Variants in CENPC observed in about 807,000 individuals in gnomAD.
CENPC encodes centromere protein C.
A neutral mutation model predicts 112.1 loss-of-function variants in CENPC; 63 were observed. The observed-to-expected ratio is 0.56, with a 90% CI of 0.46 to 0.69. The LOEUF (loss-of-function observed/expected upper bound fraction) is 0.69, where lower values mean the gene tolerates loss of function less well. CENPC is among the 30% of genes least tolerant of loss of function. The probability of loss-of-function intolerance (pLI) is 0.00; values close to 1 mark genes in which losing one functional copy is unlikely to be tolerated. For synonymous variants in CENPC, 333 were observed against 367.6 expected, an observed-to-expected ratio of 0.91 and a Z score of 1.08; for missense variants, 1,000 against 1,103.8, an observed-to-expected ratio of 0.91 and a Z score of 1.33.
intron 7 of CENPC, among the ~76,000 whole-genome samples, chr4:67,516,313 T>C (rs1040178079): frequency 5.9e-5 from 9 of 151,940 alleles, no homozygotes; most frequent in South Asian, 2.1e-4. Context: ...ACACCACATA[T>C]TGCAGTGAGA....
rs780854304 is a variant in CENPC at position 67,519,359 on chromosome 4, G to T, written c.475C>A (p.Pro159Thr). 5.6e-6 allele frequency: 9 copies of T among 1,613,116 alleles called. No individual in the cohort carries two copies. Among genetic ancestry groups the T allele is most frequent in the Non-Finnish European group, 7.6e-6 (9 of 1,179,544 alleles). Residue 159 changes from proline (P) to threonine (T), a missense_variant, in exon 6 of 19, where the codon CCT becomes ACT. By Grantham distance (38) the Pro-to-Thr change is conservative. Transcript: ENST00000273853. ...GTTTTTGCATCCAAAAGAACAGAAG[G>T]TGAGCCAACGGATAAGTAAAATTCT... Reference protein sequence around the residue: ...DEEFYLSVGSPSVLLDAKTSV... With the variant: ...DEEFYLSVGSTSVLLDAKTSV...
intron 17 of CENPC, among the ~76,000 whole-genome samples, chr4:67,479,900 T>C (rs561701646): frequency 1.1e-3 from 160 of 152,218 alleles, no homozygotes; most frequent in African/African-American, 3.4e-3. Flanking sequence ...AAACCAGACC[T>C]AGATGAGACA....
chr4:67,519,105 T>C (rs1376922585), intron 6 of CENPC, 112 bp downstream of exon 6: 1 of 750,944 alleles, frequency 1.3e-6, no homozygotes, highest in East Asian at 2.8e-5. Flanking sequence ...CATAACATGT[T>C]AATATTCCTC....
At chr4:67,484,833 C>T (rs915521165) in intron 17 of CENPC, among the ~76,000 whole-genome samples, 3 of 152,204 alleles carry the variant, frequency 2.0e-5, no homozygotes, top group Non-Finnish European at 2.9e-5. Context: ...GTGGCTCACG[C>T]CTGTAATCCC....
At chr4:67,529,921 G>C (rs1480181024) in intron 5 of CENPC, among the ~76,000 whole-genome samples, 1 of 152,032 alleles carries the variant, frequency 6.6e-6, no homozygotes, top group Non-Finnish European at 1.5e-5. Flanking sequence ...TCAAAAGTAT[G>C]TTGAATGTTA....
intron 16 of CENPC, among the ~76,000 whole-genome samples, chr4:67,491,305 C>T (rs565761378): frequency 1.1e-4 from 17 of 150,976 alleles, no homozygotes; most frequent in Middle Eastern, 7.1e-3. Context: ...TCCCAAGCAG[C>T]TGGGACTACA....
chr4:67,502,791 C>A lies in CENPC; in HGVS notation c.2131+2414G>T, dbSNP rs375811322. On this transcript the variant is annotated intron_variant, in intron 12 of 18. Transcript: ENST00000273853. ...ATTGCCATTCTTCCAGGAGCTCGGG[C>A]CAAAAACCTTCAAGTTCTCTCTAAC... Among the ~76,000 whole-genome samples the A allele has an allele frequency of 3.9e-5, 6 of 152,154 alleles. No homozygotes were observed. The East Asian group carries it at 1.2e-3, about 29-fold the overall frequency.
At chr4:67,506,488 A>T (rs549151492) in intron 11 of CENPC, among the ~76,000 whole-genome samples, 14 of 152,286 alleles carry the variant, frequency 9.2e-5, no homozygotes, top group Non-Finnish European at 1.8e-4. Flanking sequence ...GGTCTACTGG[A>T]AACAGCCAGA....
At chr4:67,506,761 A>G (rs1725743542) in intron 11 of CENPC, 27 bp downstream of exon 11, 3 of 1,530,412 alleles carry the variant, frequency 2.0e-6, no homozygotes, top group Admixed American at 2.1e-5. Context: ...AATATATACA[A>G]CTATTATCCT....
At position 67,470,765 on chromosome 4, in the gene CENPC, T is replaced by A. The variant is rs755959050; in HGVS notation, c.*1840A>T. The A allele has an allele frequency of 6.6e-6, 1 of 151,786 alleles. No homozygotes were observed. Among genetic ancestry groups the A allele is most frequent in the African/African-American group, 2.4e-5 (1 of 41,286 alleles). 9.4% of individuals were successfully genotyped at this position (151,786 alleles called of 1,614,324 possible). ...ACTAGCAACTTTGCCGTAAGAGGAG[T>A]CTTGATTTACAGCAGAGGTATAAAC... On this transcript the variant is annotated 3_prime_UTR_variant, in exon 19 of 19. Transcript: ENST00000273853.
intron 5 of CENPC, among the ~76,000 whole-genome samples, chr4:67,525,931 T>C (rs1034042255): frequency 2.0e-5 from 3 of 152,128 alleles, no homozygotes; most frequent in Non-Finnish European, 2.9e-5. Flanking sequence ...CAAATGCCCA[T>C]CAATGATAGA....
intron 5 of CENPC, among the ~76,000 whole-genome samples, chr4:67,521,343 T>C (rs10003368): frequency 0.22 from 32,919 of 151,828 alleles, 3,621 homozygotes; most frequent in South Asian, 0.27. Flanking sequence ...TTGTAACAAA[T>C]GAAAAAGAAA....
intron 12 of CENPC, among the ~76,000 whole-genome samples, chr4:67,498,738 A>T (rs1725509022): frequency 6.6e-6 from 1 of 152,180 alleles, no homozygotes; most frequent in Admixed American, 6.5e-5. Context: ...CCTCCATTGA[A>T]GTCTTGAACC....
At chr4:67,520,102 G>A (rs6552104) in intron 5 of CENPC, among the ~76,000 whole-genome samples, 34,432 of 152,064 alleles carry the variant, frequency 0.23, 4,361 homozygotes, top group Non-Finnish European at 0.29. Flanking sequence ...ATAGGTGAAA[G>A]ACAGGGTGGA....
At chr4:67,513,251 C>T (rs879155536) in intron 8 of CENPC, among the ~76,000 whole-genome samples, 8 of 120,912 alleles carry the variant, frequency 6.6e-5, no homozygotes, top group Non-Finnish European at 1.0e-4. Context: ...CCCAGTGAGA[C>T]ATCTGACCCA....
At chr4:67,491,525 A>AGCGAGCGAGC (rs1553893259) in intron 16 of CENPC, among the ~76,000 whole-genome samples, 1 of 130,094 alleles carries the variant, frequency 7.7e-6, no homozygotes, top group South Asian at 2.5e-4. Flanking sequence ...AGAGAGAGAG[A>AGCGAGCGAGC]GAGCCTGGTT....
Position 67,470,718 on chromosome 4 carries a change from T to C in CENPC, c.*1887A>G, listed in dbSNP as rs1724637764. ...TTGATTGGTAAAAACTACAGTTTTG[T>C]CTGGCTGTAGCTAACTGAAAAACTA... On this transcript the variant is annotated 3_prime_UTR_variant, in exon 19 of 19. Coordinates refer to ENST00000273853, the MANE Select transcript of CENPC (RefSeq NM_001812.4). The C allele has an allele frequency of 6.6e-6, 1 of 152,224 alleles. No individual in the cohort carries two copies. The highest frequency in any genetic ancestry group is 1.5e-5 in the Non-Finnish European group (1 of 68,064). 9.4% of individuals were successfully genotyped at this position (152,224 alleles called of 1,614,324 possible). A position where few individuals can be genotyped will look rare whatever the true frequency, so the allele number is the denominator to read the frequency against.
intron 5 of CENPC, among the ~76,000 whole-genome samples, chr4:67,519,755 C>T (rs1560437332): frequency 6.6e-6 from 1 of 151,960 alleles, no homozygotes. Flanking sequence ...ATAGATATAA[C>T]AGATATAGAG....
intron 1 of CENPC, among the ~76,000 whole-genome samples, 199 bp from the exon 2 acceptor site, chr4:67,544,394 C>G (rs1726969838): frequency 6.6e-6 from 1 of 152,166 alleles, no homozygotes; most frequent in South Asian, 2.1e-4. Context: ...ATCTGGTAAG[C>G]TTTATTCCGC....
Sources: allele counts gnomAD v4.1 joint callset (sites outside exome capture counted in the v4.1 genomes callset), GRCh38; gene constraint gnomAD v4.1.1; transcripts MANE v1.5; gene names NCBI Gene and HGNC (gene_info 2026-07-23, HGNC 2026-07-21).